TTLL7: variants seen among roughly 807,000 people sequenced by gnomAD.
TTLL7 encodes the protein tubulin polyglutamylase TTLL7.
TTLL7 carries 53 observed loss-of-function variants against 120.2 expected under a neutral mutation model. The ratio of observed to expected loss-of-function variants is 0.44; its 90% CI spans 0.35 to 0.55. TTLL7 has a LOEUF of 0.55. Ranked by LOEUF, TTLL7 falls within the 20% of genes least tolerant of loss-of-function variation. TTLL7 has a pLI of 0.00. For synonymous variants in TTLL7, 353 were observed against 351.7 expected, an observed-to-expected ratio of 1.00 and a Z score of -0.04; for missense variants, 803 against 1,054.7, an observed-to-expected ratio of 0.76 and a Z score of 3.31.
chr1:83,964,360 A>G (rs1451508856), intron 1 of TTLL7, among the ~76,000 whole-genome samples: 1 of 152,132 alleles, frequency 6.6e-6, no homozygotes, highest in East Asian at 1.9e-4. Context: ...TAACCATTGC[A>G]CAATAATATA....
chr1:83,908,241 T>C (rs918254567), intron 15 of TTLL7, among the ~76,000 whole-genome samples: 3 of 152,064 alleles, frequency 2.0e-5, no homozygotes, highest in Non-Finnish European at 4.4e-5. Flanking sequence ...AGGTTAGAGA[T>C]TGAACATTTT....
Position 83,957,383 on chromosome 1 carries a change from G to T in TTLL7, c.-176-4996C>A, listed in dbSNP as rs185495502. On this transcript the variant is annotated intron_variant, in intron 1 of 20. Coordinates refer to ENST00000260505, the MANE Select transcript of TTLL7 (RefSeq NM_024686.6). ...AAATAATCAAACAAAAAGTCAAGAG[G>T]ATCCAAAAATAGGGTTAAGTTAAAA... 3.7e-4 allele frequency among the ~76,000 whole-genome samples: 56 copies of T among 151,846 alleles called. No individual in the cohort carries two copies. In the East Asian group the frequency reaches 0.01, roughly 28 times the overall value.
intron 14 of TTLL7, among the ~76,000 whole-genome samples, chr1:83,911,840 GTGTC>G (rs1657704043): frequency 1.3e-5 from 2 of 151,888 alleles, no homozygotes; most frequent in Admixed American, 6.6e-5. Flanking sequence ...TGGTGTGTGT[GTGTC>G]TGTGTTTGTG....
chr1:83,960,521 A>C (rs1057043413), intron 1 of TTLL7, among the ~76,000 whole-genome samples: 2 of 152,162 alleles, frequency 1.3e-5, no homozygotes, highest in Non-Finnish European at 2.9e-5. Flanking sequence ...ATTGGGTAGA[A>C]GATGGCACAA....
intron 6 of TTLL7, among the ~76,000 whole-genome samples, chr1:83,945,383 T>G (rs1648386963): frequency 6.6e-6 from 1 of 152,210 alleles, no homozygotes; most frequent in Non-Finnish European, 1.5e-5. Context: ...ATATAATGAT[T>G]TTTTAAAAGT....
At chr1:83,940,334 T>C (rs780337844) in intron 7 of TTLL7, among the ~76,000 whole-genome samples, 14 of 152,226 alleles carry the variant, frequency 9.2e-5, no homozygotes, top group Non-Finnish European at 1.3e-4. Flanking sequence ...CCATGCCAAT[T>C]ATTTAAATTA....
At chr1:83,970,516 A>G (rs1650873286) in intron 1 of TTLL7, among the ~76,000 whole-genome samples, 1 of 152,150 alleles carries the variant, frequency 6.6e-6, no homozygotes, top group Admixed American at 6.6e-5. Context: ...GTGTGGAAGC[A>G]GTTGGTTTTT....
At chr1:83,889,421 T>C (rs1034174891) in intron 19 of TTLL7, among the ~76,000 whole-genome samples, 22 of 152,078 alleles carry the variant, frequency 1.4e-4, no homozygotes, top group Non-Finnish European at 2.9e-4. Flanking sequence ...TATCATACTT[T>C]ATCTGCTAGA....
chr1:83,879,942 C>T (rs1235603108), intron 20 of TTLL7: 3 of 151,974 alleles, frequency 2.0e-5, no homozygotes, highest in Non-Finnish European at 4.4e-5. Flanking sequence ...TGTGTACCCA[C>T]AAAAGCTACA....
Position 83,907,640 on chromosome 1 carries a change from C to A in TTLL7, c.1808G>T (p.Ser603Ile). 6.2e-7 allele frequency: 1 copy of A among 1,612,820 alleles called. No homozygotes were observed. The highest frequency in any genetic ancestry group is 8.5e-7 in the Non-Finnish European group (1 of 1,179,364). Reference sequence around the variant, plus strand: ...TTGAGCAGAGATGGACCGAGGGCAGCTGACTGAACGTCTTATGGAGCCTAT... The same window carrying A: ...TTGAGCAGAGATGGACCGAGGGCAGATGACTGAACGTCTTATGGAGCCTAT... ...QQPSSIRRSV[S>I]CPRSISAQSP... The change falls in exon 16 of 21, where the codon AGC becomes ATC. Residue 603 changes from serine (S) to isoleucine (I), a missense_variant. Physicochemically the swap from Ser to Ile is moderately radical, Grantham distance 142. Around this residue, in one of 3 missense-constraint regions of TTLL7, gnomAD observed 388 missense variants for 450.4 expected, o/e 0.86. Coordinates refer to ENST00000260505, the MANE Select transcript of TTLL7 (RefSeq NM_024686.6).
At chr1:83,983,288 G>A (rs1315552022) in intron 1 of TTLL7, among the ~76,000 whole-genome samples, 4 of 152,002 alleles carry the variant, frequency 2.6e-5, no homozygotes, top group African/African-American at 7.3e-5. Context: ...CCGAGATCAC[G>A]CCACTGCACT....
At position 83,956,486 on chromosome 1, in the gene TTLL7, G is replaced by A. The variant is rs190069953; in HGVS notation, c.-176-4099C>T. 2.0e-5 allele frequency among the ~76,000 whole-genome samples: 3 copies of A among 148,360 alleles called. No homozygotes were observed. The East Asian group carries it at 6.0e-4, about 29-fold the overall frequency. On this transcript the variant is annotated intron_variant, in intron 1 of 20. Coordinates refer to ENST00000260505, the MANE Select transcript of TTLL7 (RefSeq NM_024686.6). Reference sequence around the variant, plus strand: ...CTTACTGCCCAGGCTGGAGTGCAATGGCACAATCTTGGCTCACTGCAACCT... The same window carrying A: ...CTTACTGCCCAGGCTGGAGTGCAATAGCACAATCTTGGCTCACTGCAACCT...
intron 1 of TTLL7, among the ~76,000 whole-genome samples, chr1:83,997,936 T>C (rs74905080): frequency 0.14 from 21,172 of 152,208 alleles, 1,981 homozygotes; most frequent in Non-Finnish European, 0.21. Flanking sequence ...TCTAAGAAAA[T>C]AGATTATTTT....
At position 83,930,829 on chromosome 1, in the gene TTLL7, A is replaced by G. The variant is rs966800139; in HGVS notation, c.1048-1599T>C. 2.0e-5 allele frequency among the ~76,000 whole-genome samples: 3 copies of G among 152,014 alleles called. No homozygotes were observed. In the East Asian group the frequency reaches 5.8e-4, roughly 29 times the overall value. On this transcript the variant is annotated intron_variant, in intron 9 of 20. Coordinates refer to ENST00000260505, the MANE Select transcript of TTLL7 (RefSeq NM_024686.6). ...AGGATGGTACTGAGGTCTTGGTATA[A>G]AGCCATCTCAGATCTCAATCTCTCT...
At chr1:83,916,008 T>A (rs1557631446) in intron 14 of TTLL7, among the ~76,000 whole-genome samples, 2 of 152,100 alleles carry the variant, frequency 1.3e-5, no homozygotes, top group Non-Finnish European at 2.9e-5. Context: ...CTGGAGAGGA[T>A]GTGGAGAAAT....
At chr1:83,888,208 G>A (rs2100720817) in intron 19 of TTLL7, among the ~76,000 whole-genome samples, 1 of 152,022 alleles carries the variant, frequency 6.6e-6, no homozygotes, top group East Asian at 1.9e-4. Context: ...GAGTATCTGG[G>A]ATTCATATAT....
In TTLL7 at chr1:83,952,328, A is replaced by T. The variant is rs1649139135; in HGVS notation, c.-117T>A. 1 of 1,048,040 alleles carries T rather than the reference A, an allele frequency of 9.5e-7. No individual in the cohort carries two copies. The highest frequency in any genetic ancestry group is 1.4e-6 in the Non-Finnish European group (1 of 721,520). 64.9% of individuals were successfully genotyped at this position (1,048,040 alleles called of 1,614,324 possible). On this transcript the variant is annotated 5_prime_UTR_variant, in exon 2 of 21. The change abolishes an upstream ATG in the 5' untranslated region. Coordinates refer to ENST00000260505, the MANE Select transcript of TTLL7 (RefSeq NM_024686.6). ...CCCCAAATCACTGAAAGTTCTTATCATATTATCTTGGTGGAATCCTCAGAT... is the reference window on the plus strand; with the variant it reads ...CCCCAAATCACTGAAAGTTCTTATCTTATTATCTTGGTGGAATCCTCAGAT...
Position 83,892,571 on chromosome 1 carries a change from T to TGAAC in TTLL7, c.2209-2091_2209-2090insGTTC, listed in dbSNP as rs1557565735. Among the ~76,000 whole-genome samples the TGAAC allele has an allele frequency of 5.8e-3, 778 of 133,776 alleles. 34 individuals are homozygous for TGAAC. The highest frequency in any genetic ancestry group is 0.011 in the African/African-American group (373 of 34,682). 87.8% of individuals were successfully genotyped at this position (133,776 alleles called of 152,430 possible). On this transcript the variant is annotated intron_variant, in intron 18 of 20. Transcript: ENST00000260505. ...ACATATATATGAACATATGAACATA[T>TGAAC]ATATGAACATATAAATGAACATATG...
Position 83,869,086 on chromosome 1 carries a change from C to T in TTLL7, c.*876G>A, listed in dbSNP as rs1012873565. ...CGCCTCCCAGGTTCAAGTGATTCTC[C>T]TGTCTCAGCCGCCCAAGTAGCTGGG... is the stretch of plus-strand genomic sequence containing the variant. On this transcript the variant is annotated 3_prime_UTR_variant, in exon 21 of 21. Coordinates refer to ENST00000260505, the MANE Select transcript of TTLL7 (RefSeq NM_024686.6). 2 of 151,916 alleles carry T rather than the reference C, an allele frequency of 1.3e-5. No individual in the cohort carries two copies. Among genetic ancestry groups the T allele is most frequent in the African/African-American group, 4.8e-5 (2 of 41,356 alleles). The allele number at this position is 151,916 out of a possible 1,614,324, so 9.4% of individuals were successfully genotyped here.
Sources: allele counts gnomAD v4.1 joint callset (sites outside exome capture counted in the v4.1 genomes callset), GRCh38; gene constraint gnomAD v4.1.1; regional missense constraint gnomAD v4.1.1; transcripts MANE v1.5; gene names NCBI Gene and HGNC (gene_info 2026-07-23, HGNC 2026-07-21).